Variants in TRPM1 observed in about 807,000 individuals in gnomAD.
TRPM1 encodes transient receptor potential cation channel subfamily M member 1.
TRPM1 carries 113 observed loss-of-function variants against 149.4 expected under a neutral mutation model. That is an observed-to-expected ratio of 0.76 (90% CI 0.65 to 0.88). The LOEUF (loss-of-function observed/expected upper bound fraction) is 0.88. Among genes scored for constraint, TRPM1 ranks in the 40% least tolerant of loss-of-function variants. The probability of loss-of-function intolerance (pLI) is 0.00; values close to 1 mark genes in which losing one functional copy is unlikely to be tolerated. For synonymous variants in TRPM1, 741 were observed against 759.5 expected, an observed-to-expected ratio of 0.98 and a Z score of 0.40; for missense variants, 1,976 against 2,038.7, an observed-to-expected ratio of 0.97 and a Z score of 0.59.
chr15:31,047,369 G>A, intron 14 of TRPM1, 118 bp from the exon 15 acceptor site: 3 of 1,071,906 alleles, frequency 2.8e-6, no homozygotes, highest in African/African-American at 1.6e-5. Flanking sequence ...TGTAACAGGT[G>A]GGTGGGTGGG....
At chr15:31,061,055 C>A (rs917511836) in intron 10 of TRPM1, among the ~76,000 whole-genome samples, 1 of 152,228 alleles carries the variant, frequency 6.6e-6, no homozygotes, top group African/African-American at 2.4e-5. Context: ...CCAGAGCAGA[C>A]CCTCCCCGCC....
Position 31,040,126 on chromosome 15 carries a change from C to T in TRPM1, c.2308G>A (p.Gly770Ser), listed in dbSNP as rs746594891. Residue 770 changes from glycine to serine, a missense_variant, in exon 18 of 28, where the codon GGC becomes AGC. This residue lies in a region of TRPM1 where 1,332 missense variants were observed against 1,347.1 expected (regional missense o/e 0.99). Transcript: ENST00000256552. The surrounding 1 kb of genome is among the most constrained non-coding windows in gnomAD (Gnocchi z 4.2). ...CAGCACGTTGCACGCACCTTCAGGC[C>T]GGGGTTCTTCCGCATCCGCAGTCTT... is the stretch of plus-strand genomic sequence containing the variant. The part of the protein sequence containing the change: ...MGRLRMRKNP[G>S]LKVIMGILLP... The T allele has an allele frequency of 1.4e-5, 22 of 1,614,044 alleles. No homozygotes were observed. In the Middle Eastern group the frequency reaches 4.9e-4, roughly 36 times the overall value.
chr15:31,008,473 ATCATTAATAT>A (rs1188779087), intron 27 of TRPM1, among the ~76,000 whole-genome samples: 1 of 152,200 alleles, frequency 6.6e-6, no homozygotes, highest in Non-Finnish European at 1.5e-5. Flanking sequence ...TTTCCTTTAA[ATCATTAATAT>A]GGTGGATTAC....
In TRPM1 at chr15:31,027,059, G is replaced by C; in HGVS notation, c.3352C>G (p.Gln1118Glu). Residue 1118 changes from glutamine to glutamate, a missense_variant, in exon 26 of 28, where the codon CAG becomes GAG. Physicochemically the swap from Gln to Glu is conservative, Grantham distance 29. Coordinates refer to ENST00000256552, the MANE Select transcript of TRPM1 (RefSeq NM_001252024.2). ...SNQVWKFQRY[Q>E]LIMTFHDRPV... is the part of the protein sequence containing the mutation. The stretch of plus-strand genomic sequence containing the variant: ...CTGTCATGAAATGTCATAATCAGCT[G>C]ATATCGCTGGAACTTCCACACCTGG... 1 of 1,614,204 alleles carries C rather than the reference G, an allele frequency of 6.2e-7. No individual in the cohort carries two copies. Among genetic ancestry groups the C allele is most frequent in the Non-Finnish European group, 8.5e-7 (1 of 1,180,046 alleles).
intron 1 of TRPM1, among the ~76,000 whole-genome samples, chr15:31,150,433 C>CT (rs35862690): frequency 0.02 from 2,200 of 110,808 alleles, 59 homozygotes; most frequent in African/African-American, 0.054. Context: ...TTTTCTTTTC[C>CT]TTTTTTTTTT....
chr15:31,125,381 A>T (rs139009668), intron 1 of TRPM1, among the ~76,000 whole-genome samples: 1 of 152,294 alleles, frequency 6.6e-6, no homozygotes, highest in Non-Finnish European at 1.5e-5. Context: ...TCTGTACTAC[A>T]TGCTCAATTT....
At chr15:31,146,407 G>T (rs1348207684) in intron 1 of TRPM1, among the ~76,000 whole-genome samples, 1 of 152,204 alleles carries the variant, frequency 6.6e-6, no homozygotes, top group Non-Finnish European at 1.5e-5. Flanking sequence ...CTAAGTTCCT[G>T]CTCTAGGCCC....
intron 1 of TRPM1, among the ~76,000 whole-genome samples, chr15:31,144,784 C>T (rs2036204498): frequency 1.4e-5 from 2 of 146,940 alleles, no homozygotes; most frequent in Admixed American, 6.9e-5. Flanking sequence ...GGCATGATCT[C>T]GGCTCACTGC....
intron 1 of TRPM1, among the ~76,000 whole-genome samples, chr15:31,098,044 T>G (rs192405666): frequency 2.6e-5 from 4 of 152,366 alleles, no homozygotes; most frequent in Admixed American, 2.0e-4. Flanking sequence ...TAATTTCACT[T>G]ATTTGTTTTT....
At chr15:31,097,874 T>G (rs895365319) in intron 1 of TRPM1, among the ~76,000 whole-genome samples, 5 of 152,126 alleles carry the variant, frequency 3.3e-5, no homozygotes, top group Non-Finnish European at 5.9e-5. Flanking sequence ...ATGTTCACTG[T>G]GACATGAGAG....
At chr15:31,130,800 G>A (rs904536823) in intron 1 of TRPM1, among the ~76,000 whole-genome samples, 1 of 152,070 alleles carries the variant, frequency 6.6e-6, no homozygotes, top group Non-Finnish European at 1.5e-5. Context: ...GCACTCCCGG[G>A]CCCGCTACCT....
At chr15:31,149,727 G>T (rs374567975) in intron 1 of TRPM1, among the ~76,000 whole-genome samples, 11 of 152,180 alleles carry the variant, frequency 7.2e-5, no homozygotes, top group African/African-American at 2.2e-4. Flanking sequence ...CACCGTGTTA[G>T]CCAGGATGGT....
chr15:31,138,054 C>T (rs1033577974), intron 1 of TRPM1, among the ~76,000 whole-genome samples: 4 of 152,066 alleles, frequency 2.6e-5, no homozygotes, highest in African/African-American at 9.7e-5. Context: ...CCTCACAAGC[C>T]CTAACTTATG....
chr15:31,084,977 C>T (rs1252126296), intron 1 of TRPM1, among the ~76,000 whole-genome samples: 1 of 152,054 alleles, frequency 6.6e-6, no homozygotes, highest in East Asian at 1.9e-4. Flanking sequence ...GTATGAGCTG[C>T]CGTGCCCAGC....
chr15:31,070,510 C>T lies in TRPM1; in HGVS notation c.84-284G>A, dbSNP rs1470337730. The T allele has an allele frequency of 1.4e-5, 9 of 659,074 alleles. No individual in the cohort carries two copies. In the East Asian group the frequency reaches 2.4e-4, roughly 18 times the overall value. 40.8% of individuals were successfully genotyped at this position (659,074 alleles called of 1,614,324 possible). A position where few individuals can be genotyped will look rare whatever the true frequency, so the allele number is the denominator to read the frequency against. On this transcript the variant is annotated intron_variant, in intron 3 of 27. Transcript: ENST00000256552. Reference sequence around the variant, plus strand: ...GTCTTGATAACATCAGTATAAACATCAAGTACTAAACATTCTGTGACAAAG... The same window carrying T: ...GTCTTGATAACATCAGTATAAACATTAAGTACTAAACATTCTGTGACAAAG...
In TRPM1 at chr15:31,071,979, AC is replaced by A. The variant is rs58600032; in HGVS notation, c.84-1754del. 2.0e-3 allele frequency among the ~76,000 whole-genome samples: 163 copies of A among 83,552 alleles called. 2 individuals carry two copies. The highest frequency in any genetic ancestry group is 5.8e-3 in the African/African-American group (104 of 17,864). 54.8% of individuals were successfully genotyped at this position (83,552 alleles called of 152,430 possible). A position where few individuals can be genotyped will look rare whatever the true frequency, so the allele number is the denominator to read the frequency against. On this transcript the variant is annotated intron_variant, in intron 3 of 27. Coordinates refer to ENST00000256552, the MANE Select transcript of TRPM1 (RefSeq NM_001252024.2). ...ACTCCGTCTCAAAAAAAAAAAAAAA[AC>A]ATATATATATATATATATATATATA...
intron 27 of TRPM1, among the ~76,000 whole-genome samples, chr15:31,016,983 AC>A (rs1566990312): frequency 0.089 from 12,061 of 135,166 alleles, 711 homozygotes; most frequent in African/African-American, 0.17. Context: ...ACACACACAC[AC>A]ACACAAAAAA....
At position 31,068,096 on chromosome 15, in the gene TRPM1, T is replaced by A. The variant is rs376286968; in HGVS notation, c.280-4A>T. 5.0e-6 allele frequency: 8 copies of A among 1,612,678 alleles called. No homozygotes were observed. In the African/African-American group the frequency reaches 1.1e-4, roughly 22 times the overall value. ...TGTCATAGGATACACGGATATACTGTGAAAGAGTGTGTGGCACTCAGCCTC... is the reference window on the plus strand; with the variant it reads ...TGTCATAGGATACACGGATATACTGAGAAAGAGTGTGTGGCACTCAGCCTC... On this transcript the variant is annotated splice_region_variant and splice_polypyrimidine_tract_variant and intron_variant, in intron 4 of 27. Transcript: ENST00000256552.
intron 1 of TRPM1, among the ~76,000 whole-genome samples, chr15:31,088,339 G>A (rs2035062879): frequency 6.6e-6 from 1 of 152,220 alleles, no homozygotes; most frequent in African/African-American, 2.4e-5. Context: ...CTCCTTATTG[G>A]TTGTGGAAGC....
Sources: allele counts gnomAD v4.1 joint callset (sites outside exome capture counted in the v4.1 genomes callset), GRCh38; gene constraint gnomAD v4.1.1; regional missense constraint gnomAD v4.1.1; non-coding constraint Gnocchi (gnomAD v3.1); transcripts MANE v1.5; gene names NCBI Gene and HGNC (gene_info 2026-07-23, HGNC 2026-07-21).